TMF1: variants seen among roughly 807,000 people sequenced by gnomAD.
The protein encoded by TMF1 is TATA element modulatory factor 1.
Under a neutral mutation model 126.5 loss-of-function variants are expected in TMF1, and 71 were observed. The observed-to-expected ratio is 0.56, with a 90% CI of 0.46 to 0.68. The LOEUF (loss-of-function observed/expected upper bound fraction) is 0.68. Among genes scored for constraint, TMF1 ranks in the 30% least tolerant of loss-of-function variants. The pLI, the probability that TMF1 is intolerant of heterozygous loss-of-function variation, is 0.00. For synonymous variants in TMF1, 461 were observed against 430.5 expected (o/e 1.07, Z -0.88); for missense variants, 1,259 against 1,253.2 (o/e 1.00, Z -0.07).
rs796656895 is a variant in TMF1 at position 69,037,471 on chromosome 3, C to T, written c.2151+1093G>A. On this transcript the variant is annotated intron_variant, in intron 8 of 16. Transcript: ENST00000398559. The stretch of plus-strand genomic sequence containing the variant: ...CCTGGCCAACATGGTGAAGCCTCGT[C>T]TCTACTAAAAAAAAACAAAAATTAG... 9.9e-5 allele frequency among the ~76,000 whole-genome samples: 15 copies of T among 151,902 alleles called. 1 individual carries two copies. The highest frequency in any genetic ancestry group is 3.6e-4 in the African/African-American group (15 of 41,420).
In TMF1 at chr3:69,024,045, G is replaced by A. The variant is rs1187484067; in HGVS notation, c.3138+10C>T. 2 of 1,593,952 alleles carry A rather than the reference G, an allele frequency of 1.3e-6. No individual in the cohort carries two copies. The highest frequency in any genetic ancestry group is 8.5e-7 in the Non-Finnish European group (1 of 1,173,664). ...TATCTTAGACTCATCCTTAGGTGAAGAATACTTACTCTTAGCTGAGTTCTA... is the reference window on the plus strand; with the variant it reads ...TATCTTAGACTCATCCTTAGGTGAAAAATACTTACTCTTAGCTGAGTTCTA... On this transcript the variant is annotated intron_variant, in intron 16 of 16. Coordinates refer to ENST00000398559, the MANE Select transcript of TMF1 (RefSeq NM_007114.3).
intron 1 of TMF1, among the ~76,000 whole-genome samples, chr3:69,050,580 C>CATTTATTACATAT (rs2107472302): frequency 6.6e-6 from 1 of 152,232 alleles, no homozygotes; most frequent in East Asian, 1.9e-4. Context: ...TTTCCGAAAA[C>CATTTATTACATAT]AAATATCCTT....
Position 69,038,602 on chromosome 3 carries a change from C to G in TMF1, c.2113G>C (p.Glu705Gln). The change falls in exon 8 of 17, where the codon GAA (glutamate) becomes CAA (glutamine). Residue 705 changes from glutamate to glutamine, a missense_variant. Transcript: ENST00000398559. Reference protein sequence around the residue: ...ELSAALEKAQEEARQQQETLA... With the variant: ...ELSAALEKAQQEARQQQETLA... ...GTTTCTTGCTGCTGACGGGCTTCTTCTTGGGCCTTCTCTAATGCTGCAGAA... is the reference window on the plus strand; with the variant it reads ...GTTTCTTGCTGCTGACGGGCTTCTTGTTGGGCCTTCTCTAATGCTGCAGAA... 1 of 1,614,108 alleles carries G rather than the reference C, an allele frequency of 6.2e-7. No homozygotes were observed. The highest frequency in any genetic ancestry group is 8.5e-7 in the Non-Finnish European group (1 of 1,179,992).
rs1449668312 is a variant in TMF1, at chr3:69,033,612, T to C, written c.2337A>G (p.Gln779=). The C allele has an allele frequency of 2.5e-6, 4 of 1,613,972 alleles. No individual in the cohort carries two copies. Among genetic ancestry groups the C allele is most frequent in the Non-Finnish European group, 3.4e-6 (4 of 1,180,018 alleles). ...RPLLRQIENL[Q]ATLGSQTSSW... is the part of the protein sequence containing the mutation. ...ACGATGTCTGGGATCCCAGGGTTGC[T>C]TGCAAATTTTCTATTTGTCGAAGCA... The change falls in exon 10 of 17, where the codon CAA becomes CAG. Residue 779 remains glutamine, a synonymous_variant. Coordinates refer to ENST00000398559, the MANE Select transcript of TMF1 (RefSeq NM_007114.3).
chr3:69,044,236 T>C (rs2091883018), intron 3 of TMF1, among the ~76,000 whole-genome samples: 1 of 152,130 alleles, frequency 6.6e-6, no homozygotes. Flanking sequence ...CAAATACGTT[T>C]TAAATCTCTA....
chr3:69,023,949 T>G, intron 16 of TMF1, 106 bp downstream of exon 16: 1 of 1,120,668 alleles, frequency 8.9e-7, no homozygotes. Flanking sequence ...TTAGTACTCT[T>G]TAATTTTCAA....
rs1479236366 is a variant in TMF1 at position 69,020,960 on chromosome 3, A to G, written c.*2217T>C. 2 of 152,224 alleles carry G rather than the reference A, an allele frequency of 1.3e-5. No individual in the cohort carries two copies. The highest frequency in any genetic ancestry group is 2.9e-5 in the Non-Finnish European group (2 of 68,030). The allele number at this position is 152,224 out of a possible 1,614,324, so 9.4% of individuals were successfully genotyped here. On this transcript the variant is annotated 3_prime_UTR_variant, in exon 17 of 17. Transcript: ENST00000398559. ...ACTATTTTATAATTCCAAAACGTCTAGTTTCAAATGCTTCAGAGAATTTTG... is the reference window on the plus strand; with the variant it reads ...ACTATTTTATAATTCCAAAACGTCTGGTTTCAAATGCTTCAGAGAATTTTG...
intron 10 of TMF1, 110 bp downstream of exon 10, chr3:69,033,438 C>A: frequency 2.5e-6 from 3 of 1,217,254 alleles, no homozygotes; most frequent in Non-Finnish European, 3.4e-6. Flanking sequence ...ACATATTAGA[C>A]ACAAAATGTA....
chr3:69,031,993 G>A (rs1250806608), intron 10 of TMF1, among the ~76,000 whole-genome samples: 5 of 152,094 alleles, frequency 3.3e-5, no homozygotes, highest in Admixed American at 2.6e-4. Flanking sequence ...AGAGATAAAC[G>A]ACAGACCTAA....
At chr3:69,043,958 G>A in intron 3 of TMF1, 82 bp from the exon 4 acceptor site, 2 of 1,200,968 alleles carry the variant, frequency 1.7e-6, no homozygotes, top group Non-Finnish European at 2.3e-6. Flanking sequence ...TCAAAAGGAA[G>A]ATAACTTTTC....
chr3:69,022,116 T>C lies in TMF1; in HGVS notation c.*1061A>G, dbSNP rs141342323. Reference sequence around the variant, plus strand: ...ATAAAATAACATTTGGAAGAAGGCATAGCTACTTTTAAAAGCTATTCTATG... The same window carrying C: ...ATAAAATAACATTTGGAAGAAGGCACAGCTACTTTTAAAAGCTATTCTATG... On this transcript the variant is annotated 3_prime_UTR_variant, in exon 17 of 17. Coordinates refer to ENST00000398559, the MANE Select transcript of TMF1 (RefSeq NM_007114.3). The C allele has an allele frequency of 7.1e-4, 108 of 152,778 alleles. No homozygotes were observed. Among genetic ancestry groups the C allele is most frequent in the East Asian group, 4.0e-3 (21 of 5,194 alleles). 9.5% of individuals were successfully genotyped at this position (152,778 alleles called of 1,614,324 possible).
chr3:69,044,761 C>A, intron 2 of TMF1, 166 bp from the exon 3 acceptor site: 1 of 479,588 alleles, frequency 2.1e-6, no homozygotes. Flanking sequence ...TCTTAGGCAG[C>A]TGAGAGGAGA....
At chr3:69,024,793 T>C (rs1371635896) in intron 15 of TMF1, 2 of 145,892 alleles carry the variant, frequency 1.4e-5, no homozygotes, top group African/African-American at 5.1e-5. Context: ...CCAGGAATGT[T>C]TCAAATTTCT....
intron 2 of TMF1, among the ~76,000 whole-genome samples, chr3:69,045,121 C>A (rs1441077887): frequency 6.6e-6 from 1 of 152,096 alleles, no homozygotes; most frequent in African/African-American, 2.4e-5. Flanking sequence ...TATTCTTTAC[C>A]CGAAACACAT....
intron 13 of TMF1, among the ~76,000 whole-genome samples, chr3:69,026,717 T>C (rs1261628956): frequency 6.7e-6 from 1 of 148,768 alleles, no homozygotes; most frequent in Non-Finnish European, 1.5e-5. Context: ...TACAACAATG[T>C]AATTTGTTGG....
At chr3:69,024,318 G>C (rs1294270675) in intron 15 of TMF1, 138 bp from the exon 16 acceptor site, 1 of 721,150 alleles carries the variant, frequency 1.4e-6, no homozygotes, top group Non-Finnish European at 2.1e-6. Flanking sequence ...CCTTGAGCTA[G>C]CTCTTTCTTA....
At chr3:69,024,257 ATG>A (rs577446571) in intron 15 of TMF1, 77 bp from the exon 16 acceptor site, 4 of 1,233,568 alleles carry the variant, frequency 3.2e-6, no homozygotes, top group Admixed American at 2.8e-5. Flanking sequence ...AAAATATTTA[ATG>A]TGTGTGTGGT....
At chr3:69,033,430 A>G in intron 10 of TMF1, 118 bp downstream of exon 10, 4 of 1,154,900 alleles carry the variant, frequency 3.5e-6, no homozygotes, top group Non-Finnish European at 3.6e-6. Context: ...AAAAATCTAC[A>G]TATTAGACAC....
rs896010802 is a variant in TMF1, at chr3:69,021,485, T to C, written c.*1692A>G. 1 of 152,588 alleles carries C rather than the reference T, an allele frequency of 6.6e-6. No individual in the cohort carries two copies. The highest frequency in any genetic ancestry group is 1.5e-5 in the Non-Finnish European group (1 of 68,030). 9.5% of individuals were successfully genotyped at this position (152,588 alleles called of 1,614,324 possible). ...ATGAAGAAAATTAATTTTATGAATCTGGCTCACACTGAAAGAATATTTATT... is the reference window on the plus strand; with the variant it reads ...ATGAAGAAAATTAATTTTATGAATCCGGCTCACACTGAAAGAATATTTATT... On this transcript the variant is annotated 3_prime_UTR_variant, in exon 17 of 17. Coordinates refer to ENST00000398559, the MANE Select transcript of TMF1 (RefSeq NM_007114.3).
Sources: gnomAD v4.1 joint callset for allele counts (sites outside exome capture counted in the v4.1 genomes callset) on GRCh38, gnomAD v4.1.1 for gene constraint, MANE v1.5 for transcripts, NCBI Gene and HGNC (gene_info 2026-07-23, HGNC 2026-07-21) for gene names.